TMEM132D: variants seen among roughly 807,000 people sequenced by gnomAD.
The protein encoded by TMEM132D is transmembrane protein 132D, also known as mature OL transmembrane protein.
In TMEM132D, 21 loss-of-function variants were observed where a neutral mutation model predicts 62.3. The ratio of observed to expected loss-of-function variants is 0.34; its 90% CI spans 0.24 to 0.49. The LOEUF (loss-of-function observed/expected upper bound fraction) is 0.49. Among genes scored for constraint, TMEM132D ranks in the 20% least tolerant of loss-of-function variants. The pLI is 0.99. For synonymous variants in TMEM132D, 621 were observed against 575.6 expected, an observed-to-expected ratio of 1.08 and a Z score of -1.13; for missense variants, 1,346 against 1,402.8, an observed-to-expected ratio of 0.96 and a Z score of 0.65.
intron 1 of TMEM132D, among the ~76,000 whole-genome samples, chr12:129,839,698 T>C (rs1873122534): frequency 6.6e-6 from 1 of 152,202 alleles, no homozygotes; most frequent in Non-Finnish European, 1.5e-5. Context: ...CAGCACACTA[T>C]TGAAAACACT....
chr12:129,305,180 T>A (rs181032122), intron 4 of TMEM132D, among the ~76,000 whole-genome samples: 1 of 152,328 alleles, frequency 6.6e-6, no homozygotes, highest in East Asian at 1.9e-4. Flanking sequence ...CAGTTTACAT[T>A]AGCAGCCCCC....
chr12:129,335,471 A>C (rs1402971237), intron 4 of TMEM132D, among the ~76,000 whole-genome samples: 9 of 152,072 alleles, frequency 5.9e-5, no homozygotes, highest in Admixed American at 4.6e-4. Context: ...TATCCTTACA[A>C]CTTTATAAGT....
chr12:129,574,611 T>C (rs1166880956), intron 2 of TMEM132D, among the ~76,000 whole-genome samples: 1 of 151,778 alleles, frequency 6.6e-6, no homozygotes. Flanking sequence ...ATGTTATGAA[T>C]GCCCTTCTGA....
intron 1 of TMEM132D, among the ~76,000 whole-genome samples, chr12:129,718,804 A>C (rs1868693239): frequency 6.6e-6 from 1 of 152,220 alleles, no homozygotes; most frequent in Non-Finnish European, 1.5e-5. Flanking sequence ...TTCATTTATA[A>C]TATGGGGATA....
At chr12:129,621,285 G>C (rs1039124486) in intron 2 of TMEM132D, among the ~76,000 whole-genome samples, 1 of 152,040 alleles carries the variant, frequency 6.6e-6, no homozygotes, top group Non-Finnish European at 1.5e-5. Flanking sequence ...TCTGTTCCAG[G>C]GGGCCTTCCT....
intron 3 of TMEM132D, among the ~76,000 whole-genome samples, chr12:129,515,085 C>T (rs530020892): frequency 1.3e-5 from 2 of 152,302 alleles, no homozygotes; most frequent in South Asian, 4.1e-4. Context: ...CCCAGTTCAG[C>T]ATATTTCCAA....
chr12:129,662,236 G>A (rs1880255717), intron 2 of TMEM132D, among the ~76,000 whole-genome samples: 1 of 152,176 alleles, frequency 6.6e-6, no homozygotes, highest in Admixed American at 6.5e-5. Context: ...TTTTCATAGT[G>A]AAGATAGAAC....
At chr12:129,872,147 G>A (rs2047709) in intron 1 of TMEM132D, among the ~76,000 whole-genome samples, 3 of 152,052 alleles carry the variant, frequency 2.0e-5, no homozygotes, top group East Asian at 1.9e-4. Context: ...GTTTAGTGAC[G>A]TCTCAGTGTC....
intron 2 of TMEM132D, among the ~76,000 whole-genome samples, chr12:129,638,932 C>T (rs993911449): frequency 6.6e-6 from 1 of 151,910 alleles, no homozygotes. Flanking sequence ...TATGCAAAGT[C>T]GGGAGTTTCA....
intron 4 of TMEM132D, among the ~76,000 whole-genome samples, chr12:129,317,447 T>C (rs1350049881): frequency 2.0e-5 from 3 of 152,208 alleles, no homozygotes; most frequent in Non-Finnish European, 2.9e-5. Flanking sequence ...AATTATTTTG[T>C]TTGAGGAGGC....
At chr12:129,720,650 C>CTTGCTTGTAAGCA (rs1280147724) in intron 1 of TMEM132D, among the ~76,000 whole-genome samples, 1 of 152,098 alleles carries the variant, frequency 6.6e-6, no homozygotes, top group Non-Finnish European at 1.5e-5. Flanking sequence ...TGCAGATGTA[C>CTTGCTTGTAAGCA]CTCCTACATT....
At chr12:129,754,509 A>G (rs1870102365) in intron 1 of TMEM132D, among the ~76,000 whole-genome samples, 1 of 152,174 alleles carries the variant, frequency 6.6e-6, no homozygotes, top group Non-Finnish European at 1.5e-5. Context: ...GGTCTGGACC[A>G]CACAGCCAGG....
At chr12:129,353,783 T>C (rs1333947968) in intron 3 of TMEM132D, among the ~76,000 whole-genome samples, 1 of 151,998 alleles carries the variant, frequency 6.6e-6, no homozygotes, top group African/African-American at 2.4e-5. Context: ...CCATCATCCA[T>C]TGTATGGAGG....
chr12:129,455,608 T>G (rs946891522), intron 3 of TMEM132D, among the ~76,000 whole-genome samples: 1 of 152,188 alleles, frequency 6.6e-6, no homozygotes, highest in East Asian at 1.9e-4. Context: ...CACTGGGTAT[T>G]GTATTATTAC....
At chr12:129,437,635 A>G (rs1872821771) in intron 3 of TMEM132D, among the ~76,000 whole-genome samples, 1 of 152,168 alleles carries the variant, frequency 6.6e-6, no homozygotes, top group South Asian at 2.1e-4. Context: ...CACTTTGGAA[A>G]AGTGTTTGGC....
chr12:129,562,525 A>C (rs76592997), intron 2 of TMEM132D, among the ~76,000 whole-genome samples: 3,497 of 152,300 alleles, frequency 0.023, 147 homozygotes, highest in African/African-American at 0.081. Context: ...GAAGGGTATA[A>C]ATATCTGTAC....
At chr12:129,695,587 C>T (rs1023735577) in intron 2 of TMEM132D, among the ~76,000 whole-genome samples, 1 of 152,222 alleles carries the variant, frequency 6.6e-6, no homozygotes. Flanking sequence ...GTTAACAGTG[C>T]CCCAGTCTTC....
At chr12:129,895,973 T>A (rs1362589190) in intron 1 of TMEM132D, among the ~76,000 whole-genome samples, 11 of 149,900 alleles carry the variant, frequency 7.3e-5, no homozygotes, top group Admixed American at 6.6e-5. Context: ...CTTTTTTTTT[T>A]TTTTTTTTTT....
intron 3 of TMEM132D, among the ~76,000 whole-genome samples, chr12:129,512,845 T>C (rs1029555571): frequency 6.6e-6 from 1 of 152,164 alleles, no homozygotes; most frequent in Non-Finnish European, 1.5e-5. Flanking sequence ...GAAGTAGAAA[T>C]GTAGTTTAGG....
Sources: gnomAD v4.1 joint callset for allele counts (sites outside exome capture counted in the v4.1 genomes callset) on GRCh38, gnomAD v4.1.1 for gene constraint, MANE v1.5 for transcripts, NCBI Gene and HGNC (gene_info 2026-07-23, HGNC 2026-07-21) for gene names.